The following EPHB1 variants were observed in gnomAD, a reference collection of about 807,000 sequenced individuals.
EPHB1 encodes the protein EPH receptor B1.
In EPHB1, 30 loss-of-function variants were observed where a neutral mutation model predicts 94.4. The observed-to-expected ratio is 0.32, with a 90% CI of 0.24 to 0.43. EPHB1 has a LOEUF of 0.43. Ranked by LOEUF, EPHB1 falls within the 20% of genes least tolerant of loss-of-function variation. EPHB1 has a pLI of 1.00. For synonymous variants in EPHB1, 522 were observed against 489.1 expected (o/e 1.07, Z -0.89); for missense variants, 1,055 against 1,308.3 (o/e 0.81, Z 2.99).
intron 15 of EPHB1, among the ~76,000 whole-genome samples, chr3:135,253,521 G>A (rs138263336): frequency 0.014 from 2,157 of 151,766 alleles, 45 homozygotes; most frequent in African/African-American, 0.049. Context: ...TCAGATAGTC[G>A]TAGATATGCG....
At chr3:135,220,761 C>T (rs769825720) in intron 12 of EPHB1, among the ~76,000 whole-genome samples, 21 of 152,146 alleles carry the variant, frequency 1.4e-4, no homozygotes, top group Non-Finnish European at 2.6e-4. Context: ...CATTAATTGT[C>T]TGAGTGTTAT....
intron 13 of EPHB1, among the ~76,000 whole-genome samples, chr3:135,246,564 G>GAT (rs964776815): frequency 3.3e-5 from 5 of 152,128 alleles, no homozygotes; most frequent in Admixed American, 2.6e-4. Context: ...GCACCGCTGT[G>GAT]ATTTATTCCC....
intron 3 of EPHB1, among the ~76,000 whole-genome samples, chr3:134,995,934 G>C (rs16842453): frequency 0.15 from 22,644 of 150,410 alleles, 2,411 homozygotes; most frequent in African/African-American, 0.3. Context: ...TAATATATTG[G>C]TATAATGTGC....
intron 1 of EPHB1, among the ~76,000 whole-genome samples, chr3:134,861,800 G>A (rs2037265880): frequency 6.6e-6 from 1 of 152,098 alleles, no homozygotes; most frequent in Non-Finnish European, 1.5e-5. Flanking sequence ...GTTGATAGGT[G>A]CAGCAAACCA....
intron 1 of EPHB1, among the ~76,000 whole-genome samples, chr3:134,849,236 G>A (rs2036932281): frequency 6.6e-6 from 1 of 152,228 alleles, no homozygotes. Flanking sequence ...TTGAGTTTCC[G>A]ATTGAGTAGC....
At chr3:134,829,219 T>C (rs1212356975) in intron 1 of EPHB1, among the ~76,000 whole-genome samples, 1 of 152,222 alleles carries the variant, frequency 6.6e-6, no homozygotes, top group Non-Finnish European at 1.5e-5. Flanking sequence ...TAACCACCAC[T>C]AGCATCTATT....
intron 12 of EPHB1, among the ~76,000 whole-genome samples, chr3:135,232,808 G>T (rs897030516): frequency 2.6e-5 from 4 of 152,156 alleles, no homozygotes; most frequent in African/African-American, 9.7e-5. Context: ...CAATCATGGT[G>T]GAAGGGGAAG....
chr3:135,176,196 A>G (rs1941973708), intron 9 of EPHB1, among the ~76,000 whole-genome samples: 3 of 152,110 alleles, frequency 2.0e-5, no homozygotes, highest in African/African-American at 7.2e-5. Context: ...CCTGATTTAG[A>G]ACACAGACTG....
chr3:134,925,944 G>A, intron 2 of EPHB1, 64 bp downstream of exon 2: 1 of 1,442,640 alleles, frequency 6.9e-7, no homozygotes, highest in Non-Finnish European at 9.5e-7. Flanking sequence ...TGATATCTAG[G>A]GGAGTAGAGA....
intron 1 of EPHB1, among the ~76,000 whole-genome samples, chr3:134,860,275 T>C (rs903237023): frequency 5.3e-5 from 8 of 152,046 alleles, no homozygotes; most frequent in African/African-American, 1.9e-4. Flanking sequence ...TACTCAGTGT[T>C]AAGGACTCTT....
chr3:135,207,648 T>C (rs1192186636), intron 12 of EPHB1, among the ~76,000 whole-genome samples: 1 of 152,170 alleles, frequency 6.6e-6, no homozygotes, highest in East Asian at 1.9e-4. Flanking sequence ...GAGGAAGAGA[T>C]GGTGCTACAG....
rs555069679 is a variant in EPHB1, at chr3:134,873,353, C to T, written c.59-52463C>T. Among the ~76,000 whole-genome samples, 15 of 152,288 alleles carry T rather than the reference C, an allele frequency of 9.8e-5. 1 individual carries two copies. The South Asian group carries it at 3.1e-3, about 32-fold the overall frequency. The stretch of plus-strand genomic sequence containing the variant: ...GGGCTTAGAACTGAATTCACCCCAC[C>T]CATTCCCCAAGTAAGAGAAAACTCT... On this transcript the variant is annotated intron_variant, in intron 1 of 15. Coordinates refer to ENST00000398015, the MANE Select transcript of EPHB1 (RefSeq NM_004441.5).
chr3:135,034,210 CAG>C (rs1265536969), intron 3 of EPHB1, among the ~76,000 whole-genome samples: 1 of 152,190 alleles, frequency 6.6e-6, no homozygotes, highest in Non-Finnish European at 1.5e-5. Flanking sequence ...ACCAGAGAAA[CAG>C]GGGGCATCCT....
At chr3:134,859,494 T>C (rs993219469) in intron 1 of EPHB1, among the ~76,000 whole-genome samples, 8 of 152,174 alleles carry the variant, frequency 5.3e-5, no homozygotes, top group African/African-American at 9.6e-5. Flanking sequence ...TTGGGATCTC[T>C]AGAGGGTTCA....
intron 3 of EPHB1, among the ~76,000 whole-genome samples, chr3:135,036,488 A>T (rs1430963483): frequency 6.6e-6 from 1 of 152,142 alleles, no homozygotes; most frequent in Non-Finnish European, 1.5e-5. Flanking sequence ...TGCAGTGTAT[A>T]GGCTACTGTG....
intron 1 of EPHB1, among the ~76,000 whole-genome samples, chr3:134,817,880 G>C (rs1232195017): frequency 6.6e-6 from 1 of 152,238 alleles, no homozygotes; most frequent in African/African-American, 2.4e-5. Flanking sequence ...CCCCTGCCCA[G>C]AGGGGGAAAG....
At chr3:134,922,887 G>A (rs986029019) in intron 1 of EPHB1, among the ~76,000 whole-genome samples, 2 of 152,190 alleles carry the variant, frequency 1.3e-5, no homozygotes, top group African/African-American at 2.4e-5. Flanking sequence ...CCTGTACCCC[G>A]ATTCCCAACT....
chr3:134,882,818 C>CT (rs1553861959), intron 1 of EPHB1, among the ~76,000 whole-genome samples: 1 of 114,178 alleles, frequency 8.8e-6, no homozygotes, highest in African/African-American at 3.3e-5. Context: ...TTCTTTCTTT[C>CT]TTTCTTTTCT....
rs1448225149 is a variant in EPHB1, at chr3:135,180,419, G to C, written c.1882+437G>C. 3.9e-5 allele frequency among the ~76,000 whole-genome samples: 6 copies of C among 152,184 alleles called. No homozygotes were observed. In the East Asian group the frequency reaches 1.2e-3, roughly 29 times the overall value. On this transcript the variant is annotated intron_variant, in intron 10 of 15. Transcript: ENST00000398015. ...CATTTCCTATGTACATGAATTTGAA[G>C]ACAGACCATGATGAATAGAAGAGAG...
Sources: gnomAD v4.1 joint callset for allele counts (sites outside exome capture counted in the v4.1 genomes callset) on GRCh38, gnomAD v4.1.1 for gene constraint, MANE v1.5 for transcripts, NCBI Gene and HGNC (gene_info 2026-07-23, HGNC 2026-07-21) for gene names.